The following OVOL2 variants were observed in gnomAD, a reference collection of about 807,000 sequenced individuals.
The protein encoded by OVOL2 is transcription factor Ovo-like 2.
A neutral mutation model predicts 18.1 loss-of-function variants in OVOL2; 13 were observed. The ratio of observed to expected loss-of-function variants is 0.72; its 90% CI spans 0.47 to 1.14. OVOL2 has a LOEUF of 1.14. Among genes scored for constraint, OVOL2 ranks in the 50% most tolerant of loss-of-function variants. The pLI, the probability that OVOL2 is intolerant of heterozygous loss-of-function variation, is 0.00. For missense variants in OVOL2, 335 were observed against 383.0 expected, an observed-to-expected ratio of 0.87 and a Z score of 1.05; for synonymous variants, 166 against 162.7, an observed-to-expected ratio of 1.02 and a Z score of -0.16.
upstream of OVOL2, among the ~76,000 whole-genome samples, chr20:18,058,352 T>G (rs2036849682): frequency 6.6e-6 from 1 of 151,852 alleles, no homozygotes. Flanking sequence ...ATTCTGATTA[T>G]TAATAATGGG....
chr20:18,055,278 C>T (rs1213530159), intron 2 of OVOL2, among the ~76,000 whole-genome samples: 1 of 152,182 alleles, frequency 6.6e-6, no homozygotes, highest in Non-Finnish European at 1.5e-5. Flanking sequence ...GACAGAGGGG[C>T]AAACTAGCTG....
chr20:18,039,734 G>C (rs977095597), intron 3 of OVOL2, among the ~76,000 whole-genome samples: 6 of 152,212 alleles, frequency 3.9e-5, no homozygotes, highest in Admixed American at 1.3e-4. Flanking sequence ...AGACCAGGGA[G>C]GCAGCTCACG....
At chr20:18,048,990 C>T (rs1226631173) in intron 2 of OVOL2, among the ~76,000 whole-genome samples, 2 of 152,118 alleles carry the variant, frequency 1.3e-5, no homozygotes, top group Non-Finnish European at 2.9e-5. Context: ...TTGCAAAAGG[C>T]TTATTAACGA....
chr20:18,036,903 G>A (rs999225103), intron 3 of OVOL2, among the ~76,000 whole-genome samples: 3 of 152,112 alleles, frequency 2.0e-5, no homozygotes, highest in East Asian at 1.9e-4. Flanking sequence ...TTGGGAGGCC[G>A]AGGCGGGCGG....
At position 18,057,346 on chromosome 20, in the gene OVOL2, G is replaced by T. The variant is rs1385102614; in HGVS notation, c.100+189C>A. ...TAGAGGCTCCCACTACGGGGAAGGG[G>T]GCGCCTAGAGTCTGGGGCATCCCAG... On this transcript the variant is annotated intron_variant, in intron 1 of 3. Coordinates refer to ENST00000278780, the MANE Select transcript of OVOL2 (RefSeq NM_021220.4). This position sits in a 1 kb window ranked among gnomAD's most constrained non-coding sequence, Gnocchi z 6.3. Among the ~76,000 whole-genome samples, 3 of 152,174 alleles carry T rather than the reference G, an allele frequency of 2.0e-5. No homozygotes were observed. The highest frequency in any genetic ancestry group is 7.2e-5 in the African/African-American group (3 of 41,446).
intron 3 of OVOL2, among the ~76,000 whole-genome samples, chr20:18,027,741 G>A (rs559466002): frequency 5.5e-4 from 83 of 151,574 alleles, no homozygotes; most frequent in East Asian, 4.8e-3. Flanking sequence ...GACTACAGGC[G>A]CTCACCACCA....
In OVOL2 at chr20:18,056,523, A is replaced by AGCGGC. The variant is rs2036826687; in HGVS notation, c.321+129_321+133dup. 1 of 1,020,240 alleles carries AGCGGC rather than the reference A, an allele frequency of 9.8e-7. No individual in the cohort carries two copies. Among genetic ancestry groups the AGCGGC allele is most frequent in the Admixed American group, 5.8e-5 (1 of 17,286 alleles). 63.2% of individuals were successfully genotyped at this position (1,020,240 alleles called of 1,614,324 possible). On this transcript the variant is annotated intron_variant, in intron 2 of 3. Transcript: ENST00000278780. The surrounding 1 kb of genome is among the most constrained non-coding windows in gnomAD (Gnocchi z 4.2). ...GCCGCCGCCCAGGGGCAGGTGCAGG[A>AGCGGC]GCGGCGCGGCGGGCGCGCTCGGGGC...
chr20:18,033,765 G>A (rs1427922649), intron 3 of OVOL2, among the ~76,000 whole-genome samples: 2 of 152,042 alleles, frequency 1.3e-5, no homozygotes, highest in Non-Finnish European at 2.9e-5. Context: ...TCTTGTGCTT[G>A]CAAGGGCTGG....
chr20:18,042,803 C>T (rs1365746387), intron 2 of OVOL2, among the ~76,000 whole-genome samples: 1 of 149,786 alleles, frequency 6.7e-6, no homozygotes, highest in Non-Finnish European at 1.5e-5. Flanking sequence ...AAGAGCCCGG[C>T]ACTTCCTCCC....
At position 18,057,911 on chromosome 20, in the gene OVOL2, A is replaced by G; in HGVS notation, c.-277T>C. On this transcript the variant is annotated 5_prime_UTR_variant, in exon 1 of 4. Coordinates refer to ENST00000278780, the MANE Select transcript of OVOL2 (RefSeq NM_021220.4). The surrounding 1 kb of genome is among the most constrained non-coding windows in gnomAD (Gnocchi z 6.3). ...AAGGTGGAATAGAAAAGGCACCAGG[A>G]AACTTGGGACTGAGCATGCGCCCTG... The G allele has an allele frequency of 7.7e-7, 1 of 1,295,786 alleles. No homozygotes were observed. Among genetic ancestry groups the G allele is most frequent in the Non-Finnish European group, 9.8e-7 (1 of 1,024,076 alleles). 80.3% of individuals were successfully genotyped at this position (1,295,786 alleles called of 1,614,324 possible).
Position 18,057,387 on chromosome 20 carries a change from C to A in OVOL2, c.100+148G>T. 4 of 929,530 alleles carry A rather than the reference C, an allele frequency of 4.3e-6. No homozygotes were observed. The highest frequency in any genetic ancestry group is 6.4e-6 in the Non-Finnish European group (4 of 629,542). 57.6% of individuals were successfully genotyped at this position (929,530 alleles called of 1,614,324 possible). On this transcript the variant is annotated intron_variant, in intron 1 of 3. Transcript: ENST00000278780. This position sits in a 1 kb window ranked among gnomAD's most constrained non-coding sequence, Gnocchi z 6.3. ...GGCATCCCAGTCCCTCATTGCCTGC[C>A]CTAACCCGCCTAGAAGACCCCCGCG...
chr20:18,046,614 T>A (rs6075279), intron 2 of OVOL2, among the ~76,000 whole-genome samples: 56,596 of 152,036 alleles, frequency 0.37, 10,596 homozygotes, highest in Middle Eastern at 0.4. Flanking sequence ...AATAAACGTA[T>A]CATTCTCTCC....
rs1440428441 is a variant in OVOL2 at position 18,056,054 on chromosome 20, T to A, written c.321+603A>T. ...CGAGAAATCTGTAGTTGAACCCTTTTACCCATCAATTTAATTCAAGATTGG... is the reference window on the plus strand; with the variant it reads ...CGAGAAATCTGTAGTTGAACCCTTTAACCCATCAATTTAATTCAAGATTGG... On this transcript the variant is annotated intron_variant, in intron 2 of 3. Transcript: ENST00000278780. This position sits in a 1 kb window ranked among gnomAD's most constrained non-coding sequence, Gnocchi z 4.2. Among the ~76,000 whole-genome samples the A allele has an allele frequency of 2.0e-5, 3 of 152,192 alleles. No individual in the cohort carries two copies. The highest frequency in any genetic ancestry group is 7.2e-5 in the African/African-American group (3 of 41,446).
rs903875898 is a variant in OVOL2, at chr20:18,024,471, A to G, written c.*165T>C. ...ACAGGGCCTGACGTCACTAACGGCA[A>G]CTGACAATCTTGGAATGGACCCTAC... On this transcript the variant is annotated 3_prime_UTR_variant, in exon 4 of 4. Transcript: ENST00000278780. 1 of 1,390,614 alleles carries G rather than the reference A, an allele frequency of 7.2e-7. No individual in the cohort carries two copies. The highest frequency in any genetic ancestry group is 9.4e-7 in the Non-Finnish European group (1 of 1,061,022). 86.1% of individuals were successfully genotyped at this position (1,390,614 alleles called of 1,614,324 possible).
At position 18,057,178 on chromosome 20, in the gene OVOL2, C is replaced by A. The variant is rs2036836996; in HGVS notation, c.101-301G>T. Among the ~76,000 whole-genome samples the A allele has an allele frequency of 6.6e-6, 1 of 151,592 alleles. No homozygotes were observed. The highest frequency in any genetic ancestry group is 2.0e-4 in the East Asian group (1 of 5,092). ...GGCGGGGGAGGCGGATCTGACCTCT[C>A]CCCAGCTAGCCCCAGAAGGGTTGGC... On this transcript the variant is annotated intron_variant, in intron 1 of 3. Coordinates refer to ENST00000278780, the MANE Select transcript of OVOL2 (RefSeq NM_021220.4). The surrounding 1 kb of genome is among the most constrained non-coding windows in gnomAD (Gnocchi z 6.3).
chr20:18,026,468 A>G (rs6111797), intron 3 of OVOL2, among the ~76,000 whole-genome samples: 20,113 of 146,094 alleles, frequency 0.14, 1,520 homozygotes, highest in East Asian at 0.33. Context: ...TGCAAGCTCC[A>G]CCTCTCAGGT....
chr20:18,036,583 T>G (rs1275303723), intron 3 of OVOL2, among the ~76,000 whole-genome samples: 1 of 152,092 alleles, frequency 6.6e-6, no homozygotes, highest in Non-Finnish European at 1.5e-5. Flanking sequence ...CTTAAATGAT[T>G]TTCAGCTCCC....
At chr20:18,049,181 GTTC>G (rs1568638899) in intron 2 of OVOL2, among the ~76,000 whole-genome samples, 3 of 152,120 alleles carry the variant, frequency 2.0e-5, no homozygotes, top group African/African-American at 2.4e-5. Context: ...TTCTCCTCAA[GTTC>G]TTCTTCTAGA....
intron 2 of OVOL2, among the ~76,000 whole-genome samples, chr20:18,047,900 C>A (rs949839809): frequency 5.7e-4 from 80 of 140,984 alleles, no homozygotes; most frequent in South Asian, 5.6e-3. Flanking sequence ...GAAATTAAAT[C>A]TTAATTTAAT....
Sources: allele counts gnomAD v4.1 joint callset (sites outside exome capture counted in the v4.1 genomes callset), GRCh38; gene constraint gnomAD v4.1.1; non-coding constraint Gnocchi (gnomAD v3.1); transcripts MANE v1.5; gene names NCBI Gene and HGNC (gene_info 2026-07-23, HGNC 2026-07-21).